The following PPP2R2B variants were observed in gnomAD, a reference collection of about 807,000 sequenced individuals.
PPP2R2B encodes serine/threonine-protein phosphatase 2A 55 kDa regulatory subunit B beta isoform.
In PPP2R2B, 5 loss-of-function variants were observed where a neutral mutation model predicts 46.0. The ratio of observed to expected loss-of-function variants is 0.11; its 90% CI spans 0.06 to 0.23. PPP2R2B has a LOEUF of 0.23. Ranked by LOEUF, PPP2R2B falls within the 10% of genes least tolerant of loss-of-function variation. The pLI, the probability that PPP2R2B is intolerant of heterozygous loss-of-function variation, is 1.00. For missense variants in PPP2R2B, 367 were observed against 575.0 expected (o/e 0.64, Z 3.70); for synonymous variants, 215 against 206.7 (o/e 1.04, Z -0.34).
At chr5:146,804,905 A>G (rs1479857202) in intron 2 of PPP2R2B, among the ~76,000 whole-genome samples, 2 of 152,212 alleles carry the variant, frequency 1.3e-5, no homozygotes, top group African/African-American at 4.8e-5. Context: ...GTTCACATCC[A>G]GAAATGAAGA....
At chr5:146,832,265 T>C (rs1758987357) in intron 2 of PPP2R2B, among the ~76,000 whole-genome samples, 3 of 152,054 alleles carry the variant, frequency 2.0e-5, no homozygotes, top group South Asian at 4.1e-4. Context: ...TGTACAATAA[T>C]GTCCTTGGCC....
At chr5:146,795,849 G>C (rs528314898) in intron 2 of PPP2R2B, among the ~76,000 whole-genome samples, 12 of 152,072 alleles carry the variant, frequency 7.9e-5, no homozygotes, top group African/African-American at 2.9e-4. Context: ...CAGAAGATTC[G>C]ATGGAATAAC....
At chr5:146,674,364 T>C (rs761914300) in intron 5 of PPP2R2B, among the ~76,000 whole-genome samples, 1 of 152,226 alleles carries the variant, frequency 6.6e-6, no homozygotes, top group African/African-American at 2.4e-5. Flanking sequence ...ATTTCAACTA[T>C]GGGATTTCTG....
At chr5:146,777,217 C>T (rs1431705071) in intron 2 of PPP2R2B, among the ~76,000 whole-genome samples, 1 of 152,050 alleles carries the variant, frequency 6.6e-6, no homozygotes. Flanking sequence ...AAGGTAGAAA[C>T]ACCTAAGTGC....
chr5:147,059,531 G>A (rs776809776), upstream of PPP2R2B, among the ~76,000 whole-genome samples: 1 of 152,092 alleles, frequency 6.6e-6, no homozygotes, highest in Non-Finnish European at 1.5e-5. Flanking sequence ...TTTCTGGAGG[G>A]AGAGCTCAAG....
At chr5:146,727,774 C>T (rs1176307244) in intron 2 of PPP2R2B, among the ~76,000 whole-genome samples, 5 of 150,790 alleles carry the variant, frequency 3.3e-5, no homozygotes, top group Non-Finnish European at 7.4e-5. Context: ...CCAAGTTGTG[C>T]AGATCTCTAA....
intron 1 of PPP2R2B, among the ~76,000 whole-genome samples, chr5:147,007,620 T>C (rs1561572453): frequency 6.6e-6 from 1 of 152,202 alleles, no homozygotes; most frequent in Non-Finnish European, 1.5e-5. Context: ...ATCTTGCTGC[T>C]GCTCACTCTT....
At chr5:146,744,219 C>A (rs535573978) in intron 2 of PPP2R2B, among the ~76,000 whole-genome samples, 3 of 152,166 alleles carry the variant, frequency 2.0e-5, no homozygotes, top group Non-Finnish European at 4.4e-5. Flanking sequence ...CCTGCCCCCA[C>A]CCTTTTAAAT....
At chr5:146,716,001 A>T (rs1780476415) in intron 2 of PPP2R2B, among the ~76,000 whole-genome samples, 1 of 152,036 alleles carries the variant, frequency 6.6e-6, no homozygotes, top group Admixed American at 6.6e-5. Context: ...TGTTCATGCC[A>T]TTTCATTTAT....
chr5:147,078,894 T>C (rs939963421), intron 2 of PPP2R2B, among the ~76,000 whole-genome samples: 5 of 152,080 alleles, frequency 3.3e-5, no homozygotes, highest in African/African-American at 4.8e-5. Context: ...CTCTATTGTT[T>C]AAAAAGTTCA....
At chr5:146,977,947 C>T (rs1337703053) in intron 1 of PPP2R2B, among the ~76,000 whole-genome samples, 2 of 152,168 alleles carry the variant, frequency 1.3e-5, no homozygotes, top group African/African-American at 2.4e-5. Context: ...TGAGGAATTG[C>T]CACACTGTCT....
intron 1 of PPP2R2B, among the ~76,000 whole-genome samples, chr5:146,959,634 T>C (rs151110059): frequency 4.3e-4 from 66 of 152,168 alleles, no homozygotes; most frequent in African/African-American, 1.5e-3. Context: ...GAGAGGACAA[T>C]GGAAAGGTTT....
chr5:146,959,047 A>C (rs185162844), intron 1 of PPP2R2B, among the ~76,000 whole-genome samples: 24 of 152,306 alleles, frequency 1.6e-4, no homozygotes, highest in Admixed American at 5.2e-4. Flanking sequence ...AATCTAACCA[A>C]AGCCAATATT....
At chr5:146,759,188 A>G (rs1229453345) in intron 2 of PPP2R2B, among the ~76,000 whole-genome samples, 2 of 152,132 alleles carry the variant, frequency 1.3e-5, no homozygotes, top group Non-Finnish European at 2.9e-5. Context: ...CTCCCTTGCT[A>G]TTGCATTGTT....
At chr5:146,639,246 G>A (rs944051523) in intron 6 of PPP2R2B, among the ~76,000 whole-genome samples, 3 of 152,130 alleles carry the variant, frequency 2.0e-5, no homozygotes, top group African/African-American at 7.2e-5. Flanking sequence ...GCTTGTGAGG[G>A]AGTTTTTAAG....
chr5:146,923,995 T>C (rs1763696798), intron 1 of PPP2R2B, among the ~76,000 whole-genome samples: 1 of 152,160 alleles, frequency 6.6e-6, no homozygotes, highest in African/African-American at 2.4e-5. Context: ...AAGTACAGCA[T>C]GTTCTCATAA....
intron 2 of PPP2R2B, among the ~76,000 whole-genome samples, chr5:146,803,230 A>G (rs1756972581): frequency 6.6e-6 from 1 of 152,172 alleles, no homozygotes; most frequent in African/African-American, 2.4e-5. Flanking sequence ...GCAATTTGTA[A>G]TGCAAAATTT....
chr5:146,852,090 G>T (rs1760384286), intron 2 of PPP2R2B, among the ~76,000 whole-genome samples: 1 of 152,046 alleles, frequency 6.6e-6, no homozygotes, highest in South Asian at 2.1e-4. Flanking sequence ...TAAAATTAAA[G>T]TGGCTCACTT....
At chr5:146,972,836 T>C (rs1446687570) in intron 1 of PPP2R2B, among the ~76,000 whole-genome samples, 1 of 152,186 alleles carries the variant, frequency 6.6e-6, no homozygotes, top group African/African-American at 2.4e-5. Flanking sequence ...CTGTTGACAT[T>C]TTTCTGTTGA....
Sources: gnomAD v4.1 joint callset for allele counts (sites outside exome capture counted in the v4.1 genomes callset) on GRCh38, gnomAD v4.1.1 for gene constraint, MANE v1.5 for transcripts, NCBI Gene and HGNC (gene_info 2026-07-23, HGNC 2026-07-21) for gene names.